ATP2C2: variants seen among roughly 807,000 people sequenced by gnomAD.
ATP2C2 encodes the protein ATPase secretory pathway Ca2+ transporting 2, also known as calcium-transporting ATPase type 2C member 2.
A neutral mutation model predicts 110.8 loss-of-function variants in ATP2C2; 171 were observed. The ratio of observed to expected loss-of-function variants is 1.54; its 90% CI spans 1.36 to 1.75. The LOEUF is 1.75. Among genes scored for constraint, ATP2C2 ranks in the 40% most tolerant of loss-of-function variants. The pLI, the probability that ATP2C2 is intolerant of heterozygous loss-of-function variation, is 0.00. For missense variants in ATP2C2, 1,963 were observed against 1,235.0 expected (o/e 1.59, Z -8.84); for synonymous variants, 804 against 508.4 (o/e 1.58, Z -7.82).
intron 1 of ATP2C2, 107 bp downstream of exon 1, chr16:84,368,821 C>A (rs1279581344): frequency 1.1e-6 from 1 of 940,342 alleles, no homozygotes; most frequent in Non-Finnish European, 1.6e-6. Flanking sequence ...TCCGCGAACT[C>A]GCCCTCCTCC....
Position 84,463,905 on chromosome 16 carries a change from C to G in ATP2C2, c.*173C>G, listed in dbSNP as rs1911659094. 4.9e-6 allele frequency: 3 copies of G among 615,004 alleles called. No individual in the cohort carries two copies. The highest frequency in any genetic ancestry group is 5.6e-5 in the Admixed American group (2 of 35,666). The allele number at this position is 615,004 out of a possible 1,614,324, so 38.1% of individuals were successfully genotyped here. A position where few individuals can be genotyped will look rare whatever the true frequency, so the allele number is the denominator to read the frequency against. On this transcript the variant is annotated 3_prime_UTR_variant, in exon 27 of 27. Transcript: ENST00000262429. Reference sequence around the variant, plus strand: ...CCTCGTGGGCTCCAGGGACCCAGGCCCACATCCATCCAGCGTTCCCGCTGG... The same window carrying G: ...CCTCGTGGGCTCCAGGGACCCAGGCGCACATCCATCCAGCGTTCCCGCTGG...
At chr16:84,380,166 G>C (rs956283938) in intron 1 of ATP2C2, among the ~76,000 whole-genome samples, 3 of 152,118 alleles carry the variant, frequency 2.0e-5, no homozygotes, top group African/African-American at 7.2e-5. Context: ...CCCAGGGAAA[G>C]TCTATAAATA....
chr16:84,404,877 TC>T, intron 2 of ATP2C2: 1 of 592,402 alleles, frequency 1.7e-6, no homozygotes, highest in Non-Finnish European at 3.2e-6. Context: ...ATGCTGCATT[TC>T]CATTTGTTGA....
At chr16:84,435,749 T>A (rs1015398088) in intron 11 of ATP2C2, among the ~76,000 whole-genome samples, 2 of 151,754 alleles carry the variant, frequency 1.3e-5, no homozygotes, top group African/African-American at 4.8e-5. Context: ...ATTGCTTGAG[T>A]CCAGGAGGTC....
chr16:84,405,094 C>T (rs1036135372), intron 2 of ATP2C2, 34 bp from the exon 3 acceptor site: 1 of 1,566,374 alleles, frequency 6.4e-7, no homozygotes, highest in South Asian at 1.1e-5. Flanking sequence ...TTGCTGCGCC[C>T]ATGAGTGAGC....
In ATP2C2 at chr16:84,387,257, C is replaced by T. The variant is rs191187801; in HGVS notation, c.100-11242C>T. Among the ~76,000 whole-genome samples the T allele has an allele frequency of 4.5e-3, 688 of 152,254 alleles. 4 individuals are homozygous for T. Among genetic ancestry groups the T allele is most frequent in the South Asian group, 0.026 (123 of 4,822 alleles). ...CCAAACTGGGCCAGGTGCGGTGGCT[C>T]GTGCCTGTAATCCCAGCGCGTTGGG... On this transcript the variant is annotated intron_variant, in intron 1 of 26. Coordinates refer to ENST00000262429, the MANE Select transcript of ATP2C2 (RefSeq NM_014861.4).
chr16:84,378,054 G>A (rs1288954260), intron 1 of ATP2C2, among the ~76,000 whole-genome samples: 1 of 152,212 alleles, frequency 6.6e-6, no homozygotes, highest in Non-Finnish European at 1.5e-5. Flanking sequence ...AGACAGGGAA[G>A]AGAGGGGCCC....
In ATP2C2 at chr16:84,426,060, A is replaced by C; in HGVS notation, c.986+259A>C. 1.1e-5 allele frequency: 5 copies of C among 462,978 alleles called. 1 individual carries two copies. Among genetic ancestry groups the C allele is most frequent in the Non-Finnish European group, 2.0e-5 (5 of 256,358 alleles). The allele number at this position is 462,978 out of a possible 1,614,324, so 28.7% of individuals were successfully genotyped here. On this transcript the variant is annotated intron_variant, in intron 11 of 26. Transcript: ENST00000262429. ...GCTGTTCTTGCATTGCTAAAAAAAA[A>C]AAAAATACCTGAGGCTTGGTAATTT...
chr16:84,412,250 GTGTATGTGTGTGTA>G (rs1318611686), intron 6 of ATP2C2, among the ~76,000 whole-genome samples: 5 of 148,766 alleles, frequency 3.4e-5, no homozygotes, highest in Non-Finnish European at 6.0e-5. Flanking sequence ...AAACCTGATT[GTGTATGTGTGTGTA>G]TGTATGTGTG....
chr16:84,417,320 C>G (rs968004254), intron 7 of ATP2C2, among the ~76,000 whole-genome samples: 1 of 152,052 alleles, frequency 6.6e-6, no homozygotes, highest in Admixed American at 6.6e-5. Flanking sequence ...GGGCGTGACT[C>G]GGGGAAGGAA....
intron 15 of ATP2C2, among the ~76,000 whole-genome samples, chr16:84,445,031 T>A (rs1471970955): frequency 6.6e-6 from 1 of 152,162 alleles, no homozygotes; most frequent in Admixed American, 6.5e-5. Context: ...CACAGCTCTG[T>A]GGCCAGAAGT....
intron 9 of ATP2C2, 134 bp downstream of exon 9, chr16:84,422,831 T>TG (rs1360858635): frequency 5.9e-6 from 6 of 1,017,934 alleles, no homozygotes; most frequent in Non-Finnish European, 7.0e-6. Flanking sequence ...TTTAAACATT[T>TG]AATTTTTTTT....
At chr16:84,387,399 C>A (rs932300753) in intron 1 of ATP2C2, among the ~76,000 whole-genome samples, 18 of 152,252 alleles carry the variant, frequency 1.2e-4, no homozygotes, top group African/African-American at 4.3e-4. Flanking sequence ...GTAATCCCAG[C>A]CACTCAGGAG....
At chr16:84,389,319 G>A (rs1018908577) in intron 1 of ATP2C2, among the ~76,000 whole-genome samples, 15 of 152,128 alleles carry the variant, frequency 9.9e-5, no homozygotes, top group Non-Finnish European at 1.6e-4. Context: ...GATTCCCCGC[G>A]ATCTGCACTG....
At chr16:84,448,907 G>C (rs764871819) in intron 17 of ATP2C2, among the ~76,000 whole-genome samples, 16 of 152,172 alleles carry the variant, frequency 1.1e-4, no homozygotes, top group Admixed American at 2.0e-4. Context: ...TTAATCCAGA[G>C]AAGAGGGTAC....
chr16:84,445,361 A>G (rs1270748287), intron 15 of ATP2C2, among the ~76,000 whole-genome samples: 2 of 152,016 alleles, frequency 1.3e-5, no homozygotes, highest in African/African-American at 4.8e-5. Context: ...GGCGCCTGCC[A>G]CCACGCCTGG....
Position 84,415,518 on chromosome 16 carries a change from G to A in ATP2C2, c.551G>A (p.Arg184Gln), listed in dbSNP as rs561980766. 3.8e-5 allele frequency: 62 copies of A among 1,614,164 alleles called. 1 individual carries two copies. Among genetic ancestry groups the A allele is most frequent in the Admixed American group, 2.8e-4 (17 of 60,026 alleles). Residue 184 changes from arginine to glutamine, a missense_variant, in exon 7 of 27, where the codon CGA (arginine) becomes CAA (glutamine). By Grantham distance (43) the Arg-to-Gln change is conservative. Coordinates refer to ENST00000262429, the MANE Select transcript of ATP2C2 (RefSeq NM_014861.4). ...GGAAAACTCCAGCACCTGCTTGCTC[G>A]AGAACTGGTTCCTGGTGATGTCGTA... ...REGKLQHLLARELVPGDVVSL... is the reference protein window; with the variant it reads ...REGKLQHLLAQELVPGDVVSL...
intron 1 of ATP2C2, among the ~76,000 whole-genome samples, chr16:84,389,204 T>C (rs1198158665): frequency 3.9e-5 from 6 of 152,218 alleles, no homozygotes; most frequent in Admixed American, 1.3e-4. Flanking sequence ...AGCCGTTTTC[T>C]TGTTCTTCTC....
chr16:84,454,336 G>A lies in ATP2C2; in HGVS notation c.1981-482G>A, dbSNP rs1210031550. Among the ~76,000 whole-genome samples, 12 of 152,238 alleles carry A rather than the reference G, an allele frequency of 7.9e-5. No homozygotes were observed. In the South Asian group the frequency reaches 1.7e-3, roughly 21 times the overall value. ...GGTAGAAAATGTGCTTGGTTTTCTC[G>A]CCTGTGCTCTGAAAGTTTGCTCTTG... is the stretch of plus-strand genomic sequence containing the variant. On this transcript the variant is annotated intron_variant, in intron 20 of 26. Transcript: ENST00000262429.
Sources: gnomAD v4.1 joint callset for allele counts (sites outside exome capture counted in the v4.1 genomes callset) on GRCh38, gnomAD v4.1.1 for gene constraint, MANE v1.5 for transcripts, NCBI Gene and HGNC (gene_info 2026-07-23, HGNC 2026-07-21) for gene names.